The following CNTN3 variants were observed in gnomAD, a reference collection of about 807,000 sequenced individuals.
CNTN3 encodes contactin 3.
CNTN3 carries 60 observed loss-of-function variants against 119.1 expected under a neutral mutation model. The observed-to-expected ratio is 0.50, with a 90% CI of 0.41 to 0.62. The LOEUF is 0.62. Among genes scored for constraint, CNTN3 ranks in the 20% least tolerant of loss-of-function variants. The pLI, the probability that CNTN3 is intolerant of heterozygous loss-of-function variation, is 0.00. For synonymous variants in CNTN3, 450 were observed against 438.7 expected (o/e 1.03, Z -0.32); for missense variants, 1,101 against 1,242.4 (o/e 0.89, Z 1.71).
At chr3:74,577,579 C>T (rs143845504) in intron 1 of CNTN3, among the ~76,000 whole-genome samples, 63 of 152,146 alleles carry the variant, frequency 4.1e-4, no homozygotes, top group East Asian at 5.8e-4. Context: ...CACTCCTTCT[C>T]GGTAACATCC....
intron 1 of CNTN3, among the ~76,000 whole-genome samples, chr3:74,570,749 G>A (rs1188143532): frequency 6.6e-6 from 1 of 152,124 alleles, no homozygotes; most frequent in Non-Finnish European, 1.5e-5. Flanking sequence ...TCCCTCAGCC[G>A]GCAGCTGCTG....
chr3:74,406,218 A>T (rs139051484), intron 5 of CNTN3, among the ~76,000 whole-genome samples: 1 of 152,146 alleles, frequency 6.6e-6, no homozygotes, highest in African/African-American at 2.4e-5. Flanking sequence ...TTAAAAGATA[A>T]GCAATGATCA....
chr3:74,487,884 C>T (rs145357141), intron 3 of CNTN3, among the ~76,000 whole-genome samples: 1 of 151,576 alleles, frequency 6.6e-6, no homozygotes, highest in African/African-American at 2.4e-5. Flanking sequence ...CAGTTAGATA[C>T]CATTTATGTG....
intron 5 of CNTN3, among the ~76,000 whole-genome samples, chr3:74,381,689 T>C (rs920432469): frequency 1.3e-5 from 2 of 152,168 alleles, no homozygotes; most frequent in Non-Finnish European, 1.5e-5. Flanking sequence ...GCTATGGAGA[T>C]ATGTCCAGGA....
At position 74,476,965 on chromosome 3, in the gene CNTN3, C is replaced by A. The variant is rs116552973; in HGVS notation, c.358+9491G>T. ...ATAACGAGAAGATTCAAAATACACT[C>A]AAAAGGAAAACCAGGAGGAGTAAAG... On this transcript the variant is annotated intron_variant, in intron 4 of 22. Transcript: ENST00000263665. 8.7e-3 allele frequency among the ~76,000 whole-genome samples: 1,328 copies of A among 151,968 alleles called. 16 individuals are homozygous for A. Among genetic ancestry groups the A allele is most frequent in the African/African-American group, 0.028 (1,142 of 41,454 alleles).
intron 4 of CNTN3, among the ~76,000 whole-genome samples, chr3:74,474,924 G>A (rs986695630): frequency 1.3e-5 from 2 of 152,092 alleles, no homozygotes; most frequent in Admixed American, 6.6e-5. Flanking sequence ...TGACATGCCT[G>A]CTCCCTCTTC....
intron 5 of CNTN3, among the ~76,000 whole-genome samples, chr3:74,402,429 T>G (rs948472503): frequency 6.6e-6 from 1 of 152,200 alleles, no homozygotes; most frequent in Non-Finnish European, 1.5e-5. Flanking sequence ...TTTAGAAGCA[T>G]TCCTTTTTCT....
chr3:74,504,810 A>G (rs1269003205), intron 2 of CNTN3, among the ~76,000 whole-genome samples: 1 of 152,094 alleles, frequency 6.6e-6, no homozygotes, highest in Non-Finnish European at 1.5e-5. Flanking sequence ...AAGGGTAGCC[A>G]GGGGAGATTG....
chr3:74,367,936 A>T (rs934874229), intron 8 of CNTN3, among the ~76,000 whole-genome samples: 3 of 152,094 alleles, frequency 2.0e-5, no homozygotes, highest in Non-Finnish European at 4.4e-5. Flanking sequence ...AGAAAAGGTT[A>T]CTTGCTTTGT....
intron 1 of CNTN3, among the ~76,000 whole-genome samples, chr3:74,598,967 CTAAATA>C (rs1451105874): frequency 6.6e-6 from 1 of 151,896 alleles, no homozygotes; most frequent in African/African-American, 2.4e-5. Flanking sequence ...TTTTTAAAAT[CTAAATA>C]TAACTATTTT....
intron 5 of CNTN3, among the ~76,000 whole-genome samples, chr3:74,391,918 A>G (rs1200770753): frequency 6.6e-6 from 1 of 152,178 alleles, no homozygotes. Context: ...TCGGTCTCCC[A>G]AAGTGCTGGG....
chr3:74,537,967 T>C (rs74781118), intron 1 of CNTN3, among the ~76,000 whole-genome samples: 5,647 of 152,158 alleles, frequency 0.037, 140 homozygotes, highest in South Asian at 0.069. Flanking sequence ...ACAACCTAGA[T>C]AGATGGATGA....
At chr3:74,368,994 C>T (rs917900566) in intron 8 of CNTN3, among the ~76,000 whole-genome samples, 195 bp downstream of exon 8, 6 of 152,068 alleles carry the variant, frequency 3.9e-5, no homozygotes, top group East Asian at 3.9e-4. Flanking sequence ...TATATTATGT[C>T]GCCAACTTCA....
Position 74,285,351 on chromosome 3 carries a change from G to A in CNTN3, c.2658C>T (p.Gly886=), listed in dbSNP as rs142860919. The A allele has an allele frequency of 4.3e-5, 70 of 1,612,652 alleles. No individual in the cohort carries two copies. Among genetic ancestry groups the A allele is most frequent in the Non-Finnish European group, 4.8e-5 (57 of 1,179,390 alleles). ...TAACTGTGGCGCTAAAAGGCCCAGC[G>A]CCGGCACTGTTGTAAGCCCGGACAG... is the stretch of plus-strand genomic sequence containing the variant. ...YTAVRAYNSA[G]AGPFSATVNV... The change falls in exon 20 of 23, where the codon GGC becomes GGT. Residue 886 remains glycine, a synonymous_variant. Coordinates refer to ENST00000263665, the MANE Select transcript of CNTN3 (RefSeq NM_020872.3).
chr3:74,269,023 T>C (rs1434588025), intron 20 of CNTN3, among the ~76,000 whole-genome samples: 6 of 143,750 alleles, frequency 4.2e-5, no homozygotes, highest in Non-Finnish European at 7.5e-5. Flanking sequence ...CAGCCTGAAA[T>C]GAATACTTTT....
At chr3:74,450,989 T>C (rs1200292388) in intron 4 of CNTN3, among the ~76,000 whole-genome samples, 1 of 152,122 alleles carries the variant, frequency 6.6e-6, no homozygotes, top group Non-Finnish European at 1.5e-5. Context: ...TGCATGTGTC[T>C]TTATAGCAGC....
intron 4 of CNTN3, among the ~76,000 whole-genome samples, chr3:74,437,723 AG>A (rs1187407327): frequency 6.6e-6 from 1 of 152,110 alleles, no homozygotes; most frequent in African/African-American, 2.4e-5. Context: ...ACATATATAT[AG>A]CCCTAGAATT....
intron 19 of CNTN3, among the ~76,000 whole-genome samples, chr3:74,288,159 C>CTTTTCTTTTTT (rs1487942663): frequency 1.1e-5 from 1 of 90,374 alleles, no homozygotes; most frequent in African/African-American, 3.4e-5. Context: ...CTTTTCTTTT[C>CTTTTCTTTTTT]TTTTTTTTTT....
intron 5 of CNTN3, among the ~76,000 whole-genome samples, chr3:74,377,302 T>C (rs1400697731): frequency 6.6e-6 from 1 of 152,134 alleles, no homozygotes; most frequent in African/African-American, 2.4e-5. Context: ...TGTTTATATA[T>C]ATATGTACAT....
Sources: gnomAD v4.1 joint callset for allele counts (sites outside exome capture counted in the v4.1 genomes callset) on GRCh38, gnomAD v4.1.1 for gene constraint, MANE v1.5 for transcripts, NCBI Gene and HGNC (gene_info 2026-07-23, HGNC 2026-07-21) for gene names.